C1QTNF6: variants seen among roughly 807,000 people sequenced by gnomAD.
C1QTNF6 encodes the protein C1q and TNF related 6, also known as complement C1q tumor necrosis factor-related protein 6.
C1QTNF6 carries 17 observed loss-of-function variants against 20.7 expected under a neutral mutation model. The observed-to-expected ratio is 0.82, with a 90% CI of 0.56 to 1.23. The LOEUF is 1.23. C1QTNF6 is among the 50% of genes most tolerant of loss of function. The pLI is 0.00. For missense variants in C1QTNF6, 329 were observed against 389.7 expected (o/e 0.84, Z 1.31); for synonymous variants, 130 against 156.3 (o/e 0.83, Z 1.25).
rs185877859 is a variant in C1QTNF6 at position 37,182,140 on chromosome 22, C to T, written c.*48G>A. The T allele has an allele frequency of 4.6e-4, 717 of 1,558,022 alleles. 6 individuals carry two copies. In the East Asian group the frequency reaches 0.013, roughly 27 times the overall value. On this transcript the variant is annotated 3_prime_UTR_variant, in exon 3 of 3. Coordinates refer to ENST00000337843, the MANE Select transcript of C1QTNF6 (RefSeq NM_031910.4). ...AGTGCAAACTGAGCCCTGCAGGGGA[C>T]GGGACCAGCACCTGAGCTCTCCAGC...
chr22:37,188,124 A>G, intron 1 of C1QTNF6, 39 bp downstream of exon 1: 1 of 1,580,518 alleles, frequency 6.3e-7, no homozygotes, highest in Non-Finnish European at 8.6e-7. Flanking sequence ...CCAGGCTCTG[A>G]CCCCAGCCCC....
chr22:37,191,313 G>T (rs951247614), upstream of C1QTNF6, among the ~76,000 whole-genome samples: 1 of 152,090 alleles, frequency 6.6e-6, no homozygotes, highest in Non-Finnish European at 1.5e-5. Flanking sequence ...TATTGATAAT[G>T]TTCATATCAG....
upstream of C1QTNF6, chr22:37,197,777 TC>T (rs1328453590): frequency 6.6e-6 from 1 of 152,290 alleles, no homozygotes; most frequent in African/African-American, 2.4e-5. Context: ...TGAAAATTCC[TC>T]CATTTGTGCG....
At chr22:37,185,170 T>C in intron 2 of C1QTNF6, 48 bp downstream of exon 2, 1 of 1,506,902 alleles carries the variant, frequency 6.6e-7, no homozygotes, top group Non-Finnish European at 8.9e-7. Context: ...CCACCTCAGC[T>C]CCCTGGCCCT....
At chr22:37,188,283 A>AGGAGGGAGATAGGAGGGGAT, upstream of C1QTNF6, 1 of 1,153,062 alleles carries the variant, frequency 8.7e-7, no homozygotes, top group Non-Finnish European at 1.2e-6. Flanking sequence ...GGCCCAGCAG[A>AGGAGGGAGATAGGAGGGGAT]GGAGGGAGAG....
At chr22:37,195,469 T>C (rs1925084373) in intron 1 of C1QTNF6, 1 of 152,080 alleles carries the variant, frequency 6.6e-6, no homozygotes, top group Non-Finnish European at 1.5e-5. Flanking sequence ...CTAGAAAAAA[T>C]GGTACTGGAA....
rs1923886990 is a variant in C1QTNF6 at position 37,182,583 on chromosome 22, C to T, written c.442G>A (p.Val148Met). The change falls in exon 3 of 3, where the codon GTG becomes ATG. Residue 148 changes from valine to methionine, a missense_variant. By Grantham distance (21) the Val-to-Met change is conservative. Coordinates refer to ENST00000337843, the MANE Select transcript of C1QTNF6 (RefSeq NM_031910.4). ...CTGTGCAGGGCCGTCTTGCGGCCCA[C>T]TGAGAAGGCGAAGAAGCGCTTCTGG... ...PCQKRFFAFSVGRKTALHSGE... is the reference protein window; with the variant it reads ...PCQKRFFAFSMGRKTALHSGE... The T allele has an allele frequency of 6.2e-7, 1 of 1,613,938 alleles. No individual in the cohort carries two copies. Among genetic ancestry groups the T allele is most frequent in the Non-Finnish European group, 8.5e-7 (1 of 1,180,044 alleles).
At position 37,181,085 on chromosome 22, in the gene C1QTNF6, G is replaced by C. The variant is rs1923727186; in HGVS notation, c.*1103C>G. On this transcript the variant is annotated 3_prime_UTR_variant, in exon 3 of 3. Coordinates refer to ENST00000337843, the MANE Select transcript of C1QTNF6 (RefSeq NM_031910.4). ...CCCGTCCCACCAGCCTTGGGGAGCA[G>C]TGGGTAATGGAGGACCAGCAGCACC... 6.5e-6 allele frequency: 1 copy of C among 152,732 alleles called. No homozygotes were observed. Among genetic ancestry groups the C allele is most frequent in the Non-Finnish European group, 1.5e-5 (1 of 68,456 alleles). 9.5% of individuals were successfully genotyped at this position (152,732 alleles called of 1,614,324 possible).
chr22:37,188,065 G>T, intron 1 of C1QTNF6, 98 bp downstream of exon 1: 1 of 1,302,976 alleles, frequency 7.7e-7, no homozygotes, highest in Non-Finnish European at 1.1e-6. Context: ...CAGAGGGAGA[G>T]AGCAGGGCCC....
intron 1 of C1QTNF6, among the ~76,000 whole-genome samples, chr22:37,187,171 C>G (rs999497617): frequency 6.6e-6 from 1 of 152,176 alleles, no homozygotes; most frequent in Admixed American, 6.5e-5. Context: ...AGCCACCTCC[C>G]TCTTCCTGGA....
upstream of C1QTNF6, chr22:37,188,314 A>AGGAGGGGATGGAGGGAGAGC: frequency 2.9e-6 from 2 of 690,200 alleles, no homozygotes; most frequent in Non-Finnish European, 4.1e-6. Flanking sequence ...GGAGGGAGAG[A>AGGAGGGGATGGAGGGAGAGC]GGGCGGAGGG....
intron 1 of C1QTNF6, 104 bp downstream of exon 1, chr22:37,188,059 G>A (rs1924531977): frequency 4.0e-6 from 5 of 1,235,760 alleles, no homozygotes; most frequent in Non-Finnish European, 5.7e-6. Context: ...CCCAGTCAGA[G>A]GGAGAGAGCA....
rs764254156 is a variant in C1QTNF6 at position 37,185,271 on chromosome 22, C to T, written c.236G>A (p.Arg79His). 21 of 1,606,318 alleles carry T rather than the reference C, an allele frequency of 1.3e-5. No individual in the cohort carries two copies. The highest frequency in any genetic ancestry group is 3.4e-5 in the Admixed American group (2 of 59,458). Residue 79 changes from arginine to histidine, a missense_variant, in exon 2 of 3, where the codon CGC (arginine) becomes CAC (histidine). Transcript: ENST00000337843. The stretch of plus-strand genomic sequence containing the variant: ...TCTGATCTCAGGCAGGGCGTGGGGG[C>T]GGCCGGAGGAAGAGGCTGAGGATAC... ...AHVSSASSSG[R>H]PHALPEIRPY...
upstream of C1QTNF6, chr22:37,188,283 A>AGGGAGAGAGGAGGGGAT: frequency 2.6e-6 from 3 of 1,153,056 alleles, no homozygotes; most frequent in South Asian, 1.4e-5. Context: ...GGCCCAGCAG[A>AGGGAGAGAGGAGGGGAT]GGAGGGAGAG....
chr22:37,185,645 G>T, intron 1 of C1QTNF6, 190 bp from the exon 2 acceptor site: 11 of 1,296,924 alleles, frequency 8.5e-6, no homozygotes, highest in Non-Finnish European at 1.1e-5. Flanking sequence ...CCCCAAGATC[G>T]GGAGGAGACT....
At chr22:37,182,789 G>A (rs759018796) in intron 2 of C1QTNF6, 54 bp from the exon 3 acceptor site, 66 of 1,503,702 alleles carry the variant, frequency 4.4e-5, no homozygotes, top group Non-Finnish European at 5.7e-5. Context: ...CTGCTCCAAG[G>A]AGGTGCCCAC....
At position 37,184,525 on chromosome 22, in the gene C1QTNF6, T is replaced by C; in HGVS notation, c.289+693A>G. ...GGACGGGCCCTCACCTGGACAGCCC[T>C]CACCTGGACAGCCCTCACCTGGATG... On this transcript the variant is annotated intron_variant, in intron 2 of 2. Transcript: ENST00000337843. The surrounding 1 kb of genome is among the most constrained non-coding windows in gnomAD (Gnocchi z 4.0). 1.4e-6 allele frequency: 1 copy of C among 708,770 alleles called. No individual in the cohort carries two copies. Among genetic ancestry groups the C allele is most frequent in the Non-Finnish European group, 2.6e-6 (1 of 381,886 alleles). 43.9% of individuals were successfully genotyped at this position (708,770 alleles called of 1,614,324 possible). A position where few individuals can be genotyped will look rare whatever the true frequency, so the allele number is the denominator to read the frequency against.
At chr22:37,195,394 A>G (rs1050930199) in exon 2 of C1QTNF6, 1 of 152,126 alleles carries the variant, frequency 6.6e-6, no homozygotes, top group Non-Finnish European at 1.5e-5. Flanking sequence ...AAGTCAGCCA[A>G]TTGGGGCTGT....
chr22:37,182,835 A>G (rs1601625742), intron 2 of C1QTNF6, 100 bp from the exon 3 acceptor site: 1 of 1,456,416 alleles, frequency 6.9e-7, no homozygotes, highest in African/African-American at 1.4e-5. Flanking sequence ...GTCCTGGCCC[A>G]GAGAAGAAGC....
Sources: allele counts gnomAD v4.1 joint callset (sites outside exome capture counted in the v4.1 genomes callset), GRCh38; gene constraint gnomAD v4.1.1; non-coding constraint Gnocchi (gnomAD v3.1); transcripts MANE v1.5; gene names NCBI Gene and HGNC (gene_info 2026-07-23, HGNC 2026-07-21).